DIS3L2: variants seen among roughly 807,000 people sequenced by gnomAD.
DIS3L2 encodes DIS3-like exonuclease 2.
In DIS3L2, 34 loss-of-function variants were observed where a neutral mutation model predicts 97.5. The observed-to-expected ratio is 0.35, with a 90% CI of 0.27 to 0.46. DIS3L2 has a LOEUF of 0.46. DIS3L2 is among the 20% of genes least tolerant of loss of function. The pLI is 1.00. For synonymous variants in DIS3L2, 435 were observed against 445.2 expected, an observed-to-expected ratio of 0.98 and a Z score of 0.29; for missense variants, 1,038 against 1,146.0, an observed-to-expected ratio of 0.91 and a Z score of 1.36.
At chr2:232,244,494 C>T (rs1693192545) in intron 11 of DIS3L2, among the ~76,000 whole-genome samples, 1 of 152,210 alleles carries the variant, frequency 6.6e-6, no homozygotes, top group Admixed American at 6.5e-5. Context: ...GAGTTTGAAA[C>T]ATTCATGGGA....
At chr2:232,050,153 A>C (rs1055193727) in intron 5 of DIS3L2, among the ~76,000 whole-genome samples, 1 of 152,152 alleles carries the variant, frequency 6.6e-6, no homozygotes, top group Non-Finnish European at 1.5e-5. Context: ...ATTTAAGACC[A>C]TTGATTTCCC....
Position 232,292,892 on chromosome 2 carries a change from C to G in DIS3L2, c.1660-7148C>G, listed in dbSNP as rs1396323888. Among the ~76,000 whole-genome samples, 1 of 152,160 alleles carries G rather than the reference C, an allele frequency of 6.6e-6. No homozygotes were observed. The highest frequency in any genetic ancestry group is 2.4e-5 in the African/African-American group (1 of 41,426). ...TTCCCTCTTCACTCAATACCAGGAC[C>G]GTTGTGCAGTTGGAAACTGTCCACC... On this transcript the variant is annotated intron_variant, in intron 13 of 20. Coordinates refer to ENST00000325385, the MANE Select transcript of DIS3L2 (RefSeq NM_152383.5). The surrounding 1 kb of genome is among the most constrained non-coding windows in gnomAD (Gnocchi z 4.4).
intron 6 of DIS3L2, among the ~76,000 whole-genome samples, chr2:232,115,994 A>G (rs1697694426): frequency 6.6e-6 from 1 of 152,024 alleles, no homozygotes; most frequent in African/African-American, 2.4e-5. Flanking sequence ...CAACATGACA[A>G]AACCCTGTTT....
intron 5 of DIS3L2, among the ~76,000 whole-genome samples, chr2:232,086,659 A>ATG (rs753898708): frequency 0.17 from 15,995 of 92,442 alleles, 2,492 homozygotes; most frequent in African/African-American, 0.35. Context: ...ATATATATAT[A>ATG]TGTGTGTGTG....
At chr2:232,302,144 A>ATG (rs34966385) in intron 14 of DIS3L2, among the ~76,000 whole-genome samples, 12,737 of 152,092 alleles carry the variant, frequency 0.084, 1,178 homozygotes, top group East Asian at 0.46. Flanking sequence ...CTAGAAAAGT[A>ATG]TGGTGATCAG....
In DIS3L2 at chr2:232,024,303, G is replaced by A. The variant is rs373861286; in HGVS notation, c.237G>A (p.Lys79=). 2.5e-6 allele frequency: 4 copies of A among 1,602,894 alleles called. No individual in the cohort carries two copies. Among genetic ancestry groups the A allele is most frequent in the African/African-American group, 2.7e-5 (2 of 74,328 alleles). Residue 79 remains lysine (K), a synonymous_variant, in exon 4 of 21, where the codon AAG becomes AAA. Transcript: ENST00000325385. ...GTGTATTGAGAATTAATCCAAAGAA[G>A]TTTCATGAAGCCTTCATTCCTTCCC... ...IQGVLRINPK[K]FHEAFIPSPD...
chr2:232,007,508 G>A (rs1368327317), intron 1 of DIS3L2, among the ~76,000 whole-genome samples: 1 of 152,118 alleles, frequency 6.6e-6, no homozygotes, highest in Non-Finnish European at 1.5e-5. Context: ...GCTAATTTTT[G>A]TATTTTTTTG....
intron 9 of DIS3L2, among the ~76,000 whole-genome samples, chr2:232,190,291 G>T (rs1307395426): frequency 6.6e-6 from 1 of 152,176 alleles, no homozygotes; most frequent in Non-Finnish European, 1.5e-5. Context: ...CTTTGATCAT[G>T]CCACTGCATT....
chr2:232,175,911 C>T (rs1328161820), intron 9 of DIS3L2, among the ~76,000 whole-genome samples: 1 of 151,954 alleles, frequency 6.6e-6, no homozygotes, highest in Non-Finnish European at 1.5e-5. Flanking sequence ...TATTTTTAGA[C>T]GGAGTTTCAC....
chr2:232,335,899 C>T, intron 20 of DIS3L2, 25 bp downstream of exon 20: 1 of 1,549,836 alleles, frequency 6.5e-7, no homozygotes, highest in Non-Finnish European at 8.7e-7. Flanking sequence ...GTGTCCCAGC[C>T]CCCTAAGTCC....
intron 1 of DIS3L2, among the ~76,000 whole-genome samples, chr2:231,968,062 A>G (rs535084044): frequency 6.7e-6 from 1 of 149,648 alleles, no homozygotes; most frequent in Non-Finnish European, 1.5e-5. Flanking sequence ...CTGTTTTCAT[A>G]CCCCTGGCTC....
intron 13 of DIS3L2, among the ~76,000 whole-genome samples, chr2:232,342,655 A>G (rs1422097723): frequency 6.6e-6 from 1 of 152,218 alleles, no homozygotes; most frequent in Non-Finnish European, 1.5e-5. Context: ...TCCTACTGAC[A>G]CGCAACCTCA....
chr2:232,322,006 C>G (rs931986031), intron 14 of DIS3L2, among the ~76,000 whole-genome samples: 1 of 152,186 alleles, frequency 6.6e-6, no homozygotes, highest in Non-Finnish European at 1.5e-5. Flanking sequence ...TGACCCTGGG[C>G]TCTGCAGCTG....
intron 6 of DIS3L2, among the ~76,000 whole-genome samples, chr2:232,118,842 G>A (rs1697807916): frequency 6.6e-6 from 1 of 152,184 alleles, no homozygotes; most frequent in Admixed American, 6.5e-5. Context: ...CATCAAAGAT[G>A]CATCAAACAT....
chr2:232,301,214 G>A (rs1694846963), intron 14 of DIS3L2, among the ~76,000 whole-genome samples: 1 of 152,108 alleles, frequency 6.6e-6, no homozygotes, highest in Admixed American at 6.5e-5. Flanking sequence ...ATTCACTCAG[G>A]GTGACTCACC....
intron 13 of DIS3L2, among the ~76,000 whole-genome samples, chr2:232,286,439 A>G (rs1003774759): frequency 1.3e-5 from 2 of 152,168 alleles, no homozygotes; most frequent in African/African-American, 4.8e-5. Flanking sequence ...TGTTTCCCAG[A>G]TACTGCTCAG....
intron 8 of DIS3L2, among the ~76,000 whole-genome samples, chr2:232,162,339 G>T (rs1366912810): frequency 6.6e-6 from 1 of 152,172 alleles, no homozygotes; most frequent in Non-Finnish European, 1.5e-5. Context: ...GACTGGGCTG[G>T]TCTCTCTTGA....
intron 12 of DIS3L2, among the ~76,000 whole-genome samples, chr2:232,254,210 C>A (rs186306443): frequency 3.3e-4 from 50 of 152,224 alleles, no homozygotes; most frequent in Middle Eastern, 3.4e-3. Flanking sequence ...ACAAGTTATA[C>A]ACATTATATT....
intron 8 of DIS3L2, among the ~76,000 whole-genome samples, chr2:232,157,412 A>G (rs1690522550): frequency 6.6e-6 from 1 of 152,222 alleles, no homozygotes; most frequent in South Asian, 2.1e-4. Context: ...CCTCCTGGTT[A>G]GTCCAACAGC....
Sources: allele counts gnomAD v4.1 joint callset (sites outside exome capture counted in the v4.1 genomes callset), GRCh38; gene constraint gnomAD v4.1.1; non-coding constraint Gnocchi (gnomAD v3.1); transcripts MANE v1.5; gene names NCBI Gene and HGNC (gene_info 2026-07-23, HGNC 2026-07-21).